The following SAMMSON variants were observed in gnomAD, a reference collection of about 807,000 sequenced individuals.
The protein encoded by SAMMSON is survival associated mitochondrial melanoma specific oncogenic non-coding RNA.
At chr3:70,161,375 T>C (rs755079028) in intron 4 of SAMMSON, among the ~76,000 whole-genome samples, 11 of 152,042 alleles carry the variant, frequency 7.2e-5, no homozygotes, top group Non-Finnish European at 1.6e-4. Context: ...AGAGCTTCTA[T>C]CATGTATGGA....
At chr3:70,057,666 G>A (rs1559782481) in intron 3 of SAMMSON, among the ~76,000 whole-genome samples, 1 of 151,948 alleles carries the variant, frequency 6.6e-6, no homozygotes, top group Non-Finnish European at 1.5e-5. Flanking sequence ...GAGTGTGTGT[G>A]TGTGTGTGTG....
chr3:70,011,156 A>G (rs2066953881), intron 1 of SAMMSON, among the ~76,000 whole-genome samples: 1 of 152,158 alleles, frequency 6.6e-6, no homozygotes, highest in African/African-American at 2.4e-5. Context: ...ATAGTTTTAC[A>G]TATTTCTGAG....
intron 1 of SAMMSON, among the ~76,000 whole-genome samples, chr3:70,001,126 C>T (rs754401488): frequency 1.6e-4 from 24 of 146,698 alleles, no homozygotes; most frequent in South Asian, 4.2e-4. Context: ...TCATTGATAA[C>T]AACAATCCCC....
intron 4 of SAMMSON, among the ~76,000 whole-genome samples, chr3:70,241,491 A>G (rs1462367145): frequency 3.3e-5 from 5 of 152,210 alleles, no homozygotes; most frequent in African/African-American, 4.8e-5. Flanking sequence ...AATGGGAGGT[A>G]TGGTAGGAAT....
chr3:70,383,609 G>C (rs1275767175), intron 9 of SAMMSON, among the ~76,000 whole-genome samples: 2 of 151,832 alleles, frequency 1.3e-5, no homozygotes, highest in African/African-American at 4.8e-5. Context: ...GTTTCAACAG[G>C]AGAAATTATT....
intron 4 of SAMMSON, among the ~76,000 whole-genome samples, chr3:70,211,694 C>T (rs1701351562): frequency 7.0e-6 from 1 of 143,282 alleles, no homozygotes; most frequent in South Asian, 2.3e-4. Flanking sequence ...TTTCCCTTCC[C>T]TTCCCTTTGC....
intron 6 of SAMMSON, among the ~76,000 whole-genome samples, chr3:70,250,050 T>C (rs1454622159): frequency 6.6e-6 from 1 of 152,172 alleles, no homozygotes; most frequent in Non-Finnish European, 1.5e-5. Flanking sequence ...GTTATTCTTT[T>C]AAAATAAAGG....
rs905397299 is a variant in SAMMSON, at chr3:70,192,167, C to G, written n.508-56940C>G. On this transcript the variant is annotated intron_variant and non_coding_transcript_variant, in intron 4 of 9. Transcript: ENST00000642114. Reference sequence around the variant, plus strand: ...CGCCCTCCCACTTACCCCCTTTCCCCCAAAGTGCCCTAACAGCGATATATG... The same window carrying G: ...CGCCCTCCCACTTACCCCCTTTCCCGCAAAGTGCCCTAACAGCGATATATG... Among the ~76,000 whole-genome samples, 3 of 152,148 alleles carry G rather than the reference C, an allele frequency of 2.0e-5. No homozygotes were observed. The East Asian group carries it at 5.8e-4, about 29-fold the overall frequency.
chr3:70,019,239 G>C (rs1233654942), intron 3 of SAMMSON, among the ~76,000 whole-genome samples: 1 of 152,138 alleles, frequency 6.6e-6, no homozygotes, highest in African/African-American at 2.4e-5. Flanking sequence ...AGATCTCTAA[G>C]GACTTGCTTT....
intron 9 of SAMMSON, among the ~76,000 whole-genome samples, chr3:70,368,652 G>A (rs1403369048): frequency 2.0e-5 from 3 of 151,444 alleles, no homozygotes; most frequent in Non-Finnish European, 3.0e-5. Context: ...TTGCCTTTGT[G>A]TCTTTGTCAA....
chr3:70,244,540 G>T (rs540346340), intron 4 of SAMMSON, among the ~76,000 whole-genome samples: 3 of 152,134 alleles, frequency 2.0e-5, no homozygotes, highest in Non-Finnish European at 4.4e-5. Context: ...AAATCTATTT[G>T]ATCAATATAT....
At chr3:70,423,625 T>C (rs1575646436) in intron 2 of SAMMSON, among the ~76,000 whole-genome samples, 2 of 152,210 alleles carry the variant, frequency 1.3e-5, no homozygotes, top group East Asian at 3.8e-4. Flanking sequence ...TCTCCTGGTT[T>C]ATTTTTACAT....
intron 4 of SAMMSON, chr3:70,183,318 G>T (rs1701068653): frequency 6.6e-6 from 1 of 152,148 alleles, no homozygotes; most frequent in African/African-American, 2.4e-5. Context: ...AGTTCCCAGA[G>T]TAAATATAAC....
chr3:70,012,954 A>T (rs895946797), intron 2 of SAMMSON, among the ~76,000 whole-genome samples: 1 of 152,178 alleles, frequency 6.6e-6, no homozygotes, highest in African/African-American at 2.4e-5. Context: ...AGTAAAGAAG[A>T]TAACTGTGAT....
intron 3 of SAMMSON, among the ~76,000 whole-genome samples, chr3:70,063,008 T>G (rs2067196047): frequency 6.6e-6 from 1 of 152,098 alleles, no homozygotes; most frequent in South Asian, 2.1e-4. Flanking sequence ...CTTCTGCCCT[T>G]CACTACAAAA....
intron 6 of SAMMSON, among the ~76,000 whole-genome samples, chr3:70,289,139 A>C (rs1328253440): frequency 1.4e-5 from 2 of 146,934 alleles, no homozygotes; most frequent in Non-Finnish European, 3.0e-5. Flanking sequence ...TAGTTGATGC[A>C]GTTTCTTCCT....
chr3:70,180,164 T>G (rs1360481529), intron 4 of SAMMSON, among the ~76,000 whole-genome samples: 2 of 152,118 alleles, frequency 1.3e-5, no homozygotes, highest in Non-Finnish European at 2.9e-5. Context: ...GTTTTAGTCT[T>G]GGGTCTGAGA....
intron 4 of SAMMSON, among the ~76,000 whole-genome samples, chr3:70,168,003 T>A (rs1468740008): frequency 6.6e-6 from 1 of 151,994 alleles, no homozygotes; most frequent in Non-Finnish European, 1.5e-5. Flanking sequence ...AAAAATAGCA[T>A]CTTCACAGAA....
chr3:70,241,778 A>G (rs1479949204), intron 4 of SAMMSON, among the ~76,000 whole-genome samples: 4 of 152,148 alleles, frequency 2.6e-5, no homozygotes, highest in African/African-American at 7.2e-5. Context: ...CCTAAAAACC[A>G]TTAATGTTGA....
Sources: allele counts gnomAD v4.1 joint callset (sites outside exome capture counted in the v4.1 genomes callset), GRCh38; gene constraint gnomAD v4.1.1; transcripts MANE v1.5; gene names NCBI Gene and HGNC (gene_info 2026-07-23, HGNC 2026-07-21).